The following CEP350 variants were observed in gnomAD, a reference collection of about 807,000 sequenced individuals.
The protein encoded by CEP350 is centrosome-associated protein 350.
CEP350 carries 126 observed loss-of-function variants against 331.8 expected under a neutral mutation model. The observed-to-expected ratio is 0.38, with a 90% CI of 0.33 to 0.44. The LOEUF is 0.44. Ranked by LOEUF, CEP350 falls within the 20% of genes least tolerant of loss-of-function variation. The probability of loss-of-function intolerance (pLI) is 1.00; values close to 1 mark genes in which losing one functional copy is unlikely to be tolerated. For synonymous variants in CEP350, 1,200 were observed against 1,259.5 expected, an observed-to-expected ratio of 0.95 and a Z score of 1.00; for missense variants, 3,406 against 3,634.6, an observed-to-expected ratio of 0.94 and a Z score of 1.62.
rs1268654020 is a variant in CEP350, at chr1:180,043,110, C to T, written c.4417C>T (p.Pro1473Ser). 10 of 1,613,614 alleles carry T rather than the reference C, an allele frequency of 6.2e-6. No homozygotes were observed. The highest frequency in any genetic ancestry group is 2.7e-5 in the African/African-American group (2 of 74,898). The change falls in exon 20 of 38, where the codon CCC becomes TCC. Residue 1473 changes from proline (P) to serine (S), a missense_variant. Pro to Ser is a moderately conservative substitution (Grantham distance 74). Coordinates refer to ENST00000367607, the MANE Select transcript of CEP350 (RefSeq NM_014810.5). ...ISDAVVASGA[P>S]LAILYDHQRQ... ...AGATGCTGTCGTGGCTTCAGGAGCT[C>T]CCCTTGCAATACTGTATGACCACCA...
At chr1:180,106,573 T>G (rs1661157636) in intron 37 of CEP350, among the ~76,000 whole-genome samples, 1 of 152,096 alleles carries the variant, frequency 6.6e-6, no homozygotes. Context: ...CATGGTTTTG[T>G]TTTTGTTTTT....
chr1:180,029,586 A>G (rs1655881334), intron 14 of CEP350, among the ~76,000 whole-genome samples: 2 of 152,188 alleles, frequency 1.3e-5, no homozygotes, highest in Non-Finnish European at 2.9e-5. Context: ...AGTTTCCCGT[A>G]CTGAAGCTCT....
intron 4 of CEP350, among the ~76,000 whole-genome samples, chr1:179,991,724 T>TATAC (rs1653110915): frequency 6.8e-6 from 1 of 147,604 alleles, no homozygotes; most frequent in Non-Finnish European, 1.5e-5. Context: ...TATATATATA[T>TATAC]ACATTTTTTT....
chr1:180,095,570 A>C lies in CEP350; in HGVS notation c.8559A>C (p.Arg2853Ser). Residue 2853 changes from arginine to serine, a missense_variant, in exon 35 of 38, where the codon AGA (arginine) becomes AGC (serine). This residue lies in a region of CEP350 where 1,415 missense variants were observed against 1,512.3 expected (regional missense o/e 0.94). Coordinates refer to ENST00000367607, the MANE Select transcript of CEP350 (RefSeq NM_014810.5). ...GTGGGCAGGAAGAACTTGCTAAGAGACTTGCTGAACTTGAACTCAGCCGGG... is the reference window on the plus strand; with the variant it reads ...GTGGGCAGGAAGAACTTGCTAAGAGCCTTGCTGAACTTGAACTCAGCCGGG... ...GASGQEELAK[R>S]LAELELSREF... 2 of 1,613,892 alleles carry C rather than the reference A, an allele frequency of 1.2e-6. No homozygotes were observed. Among genetic ancestry groups the C allele is most frequent in the Non-Finnish European group, 1.7e-6 (2 of 1,179,852 alleles).
In CEP350 at chr1:179,963,241, A is replaced by AT. The variant is rs1484784831; in HGVS notation, c.-14+8106dup. On this transcript the variant is annotated intron_variant, in intron 1 of 37. Coordinates refer to ENST00000367607, the MANE Select transcript of CEP350 (RefSeq NM_014810.5). ...TTTGTCAGATGTACAGTTTGCAAATATTTTTTTCCCATTCTTTAGGTTACC... is the reference window on the plus strand; with the variant it reads ...TTTGTCAGATGTACAGTTTGCAAATATTTTTTTTCCCATTCTTTAGGTTACC... 3.2e-4 allele frequency among the ~76,000 whole-genome samples: 48 copies of AT among 151,270 alleles called. No homozygotes were observed. In the East Asian group the frequency reaches 9.3e-3, roughly 29 times the overall value.
At chr1:180,091,168 C>A (rs568227861) in intron 33 of CEP350, among the ~76,000 whole-genome samples, 51 of 151,584 alleles carry the variant, frequency 3.4e-4, no homozygotes, top group African/African-American at 1.2e-3. Context: ...CACATGCCAC[C>A]ATGCCCAGCT....
chr1:180,021,308 T>C (rs996323220), intron 12 of CEP350, among the ~76,000 whole-genome samples: 1 of 152,174 alleles, frequency 6.6e-6, no homozygotes, highest in Admixed American at 6.5e-5. Context: ...GGATTGGATA[T>C]ATATCACGTA....
At chr1:179,978,766 CT>C (rs761713993) in intron 1 of CEP350, among the ~76,000 whole-genome samples, 1 of 151,776 alleles carries the variant, frequency 6.6e-6, no homozygotes, top group African/African-American at 2.4e-5. Flanking sequence ...TTTTTCTTTT[CT>C]TTTTTATGGA....
At position 180,022,759 on chromosome 1, in the gene CEP350, T is replaced by C. The variant is rs775681537; in HGVS notation, c.3297T>C (p.Thr1099=). 1.2e-5 allele frequency: 19 copies of C among 1,610,958 alleles called. No individual in the cohort carries two copies. The highest frequency in any genetic ancestry group is 1.6e-5 in the Non-Finnish European group (19 of 1,178,334). Residue 1099 remains threonine, a synonymous_variant, in exon 13 of 38, where the codon ACT becomes ACC. Coordinates refer to ENST00000367607, the MANE Select transcript of CEP350 (RefSeq NM_014810.5). The part of the protein sequence containing the change: ...STSRPLNATA[T]PLSGVSYEDD... ...CACGGCCTTTGAATGCCACCGCAAC[T>C]CCTCTAAGTGGTGTTTCATATGAAG... is the stretch of plus-strand genomic sequence containing the variant.
intron 14 of CEP350, among the ~76,000 whole-genome samples, chr1:180,028,137 CCAGAAA>C (rs1358928430): frequency 6.6e-6 from 1 of 152,120 alleles, no homozygotes; most frequent in Non-Finnish European, 1.5e-5. Flanking sequence ...CTCCATGGTT[CCAGAAA>C]TTTGGGAAAT....
chr1:180,036,494 A>G (rs1571902026), intron 16 of CEP350, among the ~76,000 whole-genome samples: 1 of 152,236 alleles, frequency 6.6e-6, no homozygotes, highest in South Asian at 2.1e-4. Context: ...TCCAACCTTT[A>G]GCAACCACCA....
Position 179,986,169 on chromosome 1 carries a change from G to C in CEP350, c.-13G>C, listed in dbSNP as rs1429997275. 7 of 1,549,666 alleles carry C rather than the reference G, an allele frequency of 4.5e-6. No individual in the cohort carries two copies. The highest frequency in any genetic ancestry group is 3.5e-6 in the Non-Finnish European group (4 of 1,145,796). The stretch of plus-strand genomic sequence containing the variant: ...TCGGTGAATACTGATGTGATTGCAG[G>C]TAAATTGGCAGGATGAGGAGCAGCA... On this transcript the variant is annotated splice_region_variant and 5_prime_UTR_variant, in exon 2 of 38. Coordinates refer to ENST00000367607, the MANE Select transcript of CEP350 (RefSeq NM_014810.5).
intron 37 of CEP350, among the ~76,000 whole-genome samples, chr1:180,105,302 G>T (rs918245258): frequency 5.9e-5 from 9 of 151,800 alleles, no homozygotes; most frequent in Non-Finnish European, 1.2e-4. Flanking sequence ...CCTGGAATCC[G>T]CCCACGGACC....
chr1:180,074,044 TACC>T (rs1224831955), intron 27 of CEP350: 6 of 734,232 alleles, frequency 8.2e-6, no homozygotes, highest in Non-Finnish European at 1.2e-5. Flanking sequence ...CCATAAATTT[TACC>T]TTTTGTTTCC....
intron 1 of CEP350, chr1:179,969,098 T>G: frequency 2.7e-5 from 18 of 661,302 alleles, no homozygotes; most frequent in East Asian, 9.3e-5. Context: ...TCCTTTGCGC[T>G]GTGTGGACAT....
chr1:180,053,999 A>G (rs1223454416), intron 24 of CEP350, 65 bp downstream of exon 24: 4 of 1,291,146 alleles, frequency 3.1e-6, no homozygotes, highest in African/African-American at 1.5e-5. Flanking sequence ...TTATATTTTA[A>G]GATTTTTTTG....
rs751467405 is a variant in CEP350 at position 180,087,655 on chromosome 1, G to A, written c.6363G>A (p.Gln2121=). 2.5e-6 allele frequency: 4 copies of A among 1,575,286 alleles called. No individual in the cohort carries two copies. In the South Asian group the frequency reaches 4.7e-5, roughly 18 times the overall value. The change falls in exon 32 of 38, where the codon CAG becomes CAA. Residue 2121 remains glutamine, a synonymous_variant. Coordinates refer to ENST00000367607, the MANE Select transcript of CEP350 (RefSeq NM_014810.5). ...AAACATCACCAACAGCCAAGCCTCAGATTAAAACGCTCTCCTCAGCTTCTG... is the reference window on the plus strand; with the variant it reads ...AAACATCACCAACAGCCAAGCCTCAAATTAAAACGCTCTCCTCAGCTTCTG... ...DLETSPTAKP[Q]IKTLSSASEK...
At chr1:179,972,827 T>G (rs1449691690) in intron 1 of CEP350, among the ~76,000 whole-genome samples, 1 of 152,064 alleles carries the variant, frequency 6.6e-6, no homozygotes, top group Non-Finnish European at 1.5e-5. Flanking sequence ...ACATTGGAGT[T>G]GCTTGAAGAG....
intron 14 of CEP350, 84 bp downstream of exon 14, chr1:180,024,666 A>G (rs1354626650): frequency 2.9e-6 from 4 of 1,394,388 alleles, no homozygotes; most frequent in Admixed American, 2.8e-5. Context: ...ATTGCATAAG[A>G]AGTTAGAAGA....
Sources: allele counts gnomAD v4.1 joint callset (sites outside exome capture counted in the v4.1 genomes callset), GRCh38; gene constraint gnomAD v4.1.1; regional missense constraint gnomAD v4.1.1; transcripts MANE v1.5; gene names NCBI Gene and HGNC (gene_info 2026-07-23, HGNC 2026-07-21).